Variants in SIPA1L1 observed in about 807,000 individuals in gnomAD.
SIPA1L1 encodes signal-induced proliferation-associated 1-like protein 1.
SIPA1L1 carries 26 observed loss-of-function variants against 162.7 expected under a neutral mutation model. That is an observed-to-expected ratio of 0.16 (90% CI 0.12 to 0.22). The LOEUF is 0.22. Ranked by LOEUF, SIPA1L1 falls within the 10% of genes least tolerant of loss-of-function variation. SIPA1L1 has a pLI of 1.00. For synonymous variants in SIPA1L1, 829 were observed against 837.4 expected (o/e 0.99, Z 0.17); for missense variants, 1,874 against 2,241.0 (o/e 0.84, Z 3.31).
intron 7 of SIPA1L1, among the ~76,000 whole-genome samples, chr14:71,643,273 A>G (rs2041885207): frequency 6.6e-6 from 1 of 152,228 alleles, no homozygotes; most frequent in Non-Finnish European, 1.5e-5. Flanking sequence ...AAAGGTTATC[A>G]AAATAAACAA....
At chr14:71,682,169 A>G (rs1191165474) in intron 12 of SIPA1L1, among the ~76,000 whole-genome samples, 1 of 152,154 alleles carries the variant, frequency 6.6e-6, no homozygotes. Context: ...TCCTCTACAA[A>G]GTGGGGATAA....
chr14:71,416,257 A>G (rs1204040366), intron 2 of SIPA1L1: 1 of 152,178 alleles, frequency 6.6e-6, no homozygotes, highest in Non-Finnish European at 1.5e-5. Context: ...GCCTAAAAAG[A>G]TTTTACAATC....
intron 4 of SIPA1L1, among the ~76,000 whole-genome samples, chr14:71,569,961 C>G (rs952145012): frequency 3.3e-5 from 5 of 152,188 alleles, no homozygotes; most frequent in African/African-American, 4.8e-5. Context: ...TGTGTCTGCA[C>G]CCTGTCTGTA....
chr14:71,409,621 T>C (rs929180694), intron 2 of SIPA1L1, among the ~76,000 whole-genome samples: 2 of 152,188 alleles, frequency 1.3e-5, no homozygotes, highest in African/African-American at 4.8e-5. Context: ...AAATCTGGTC[T>C]GTAAAGTAGA....
At chr14:71,616,477 G>T (rs933768960) in intron 5 of SIPA1L1, among the ~76,000 whole-genome samples, 1 of 149,008 alleles carries the variant, frequency 6.7e-6, no homozygotes, top group Non-Finnish European at 1.5e-5. Flanking sequence ...TGAGTTTACG[G>T]TAATTAAAGG....
At position 71,428,385 on chromosome 14, in the gene SIPA1L1, T is replaced by C. The variant is rs578114416; in HGVS notation, c.-464-84358T>C. Among the ~76,000 whole-genome samples, 16 of 152,086 alleles carry C rather than the reference T, an allele frequency of 1.1e-4. No homozygotes were observed. The South Asian group carries it at 3.3e-3, about 32-fold the overall frequency. On this transcript the variant is annotated intron_variant, in intron 2 of 23. Coordinates refer to ENST00000381232, the MANE Select transcript of SIPA1L1 (RefSeq NM_001386936.1). ...ATGATTTGCGGTTTTTTTTTTCTTT[T>C]TTACTGGTTTTATTTTTATTTTTAT...
chr14:71,546,155 C>T (rs2055171819), intron 4 of SIPA1L1, among the ~76,000 whole-genome samples: 1 of 151,962 alleles, frequency 6.6e-6, no homozygotes, highest in African/African-American at 2.4e-5. Flanking sequence ...TTTTAAAGCC[C>T]TATAATTTTG....
intron 4 of SIPA1L1, among the ~76,000 whole-genome samples, chr14:71,551,664 T>A (rs180889634): frequency 1.3e-5 from 2 of 152,328 alleles, no homozygotes; most frequent in East Asian, 3.9e-4. Context: ...CCTTTCATGT[T>A]GCTCTTAAAG....
chr14:71,502,010 C>T (rs996573393), intron 2 of SIPA1L1, among the ~76,000 whole-genome samples: 6 of 148,550 alleles, frequency 4.0e-5, no homozygotes, highest in Non-Finnish European at 8.9e-5. Context: ...TACACTCTAC[C>T]CTGGGCGACA....
At chr14:71,520,722 A>G (rs2052249255) in intron 3 of SIPA1L1, among the ~76,000 whole-genome samples, 2 of 152,008 alleles carry the variant, frequency 1.3e-5, no homozygotes, top group Non-Finnish European at 1.5e-5. Flanking sequence ...ATTCCGTTAT[A>G]TGGAACTCCT....
chr14:71,624,025 C>G, intron 6 of SIPA1L1, 23 bp from the exon 7 acceptor site: 1 of 1,574,112 alleles, frequency 6.4e-7, no homozygotes, highest in Non-Finnish European at 8.6e-7. Context: ...GAAGCCTCAC[C>G]ACAGCACCTG....
At chr14:71,486,582 G>A (rs547671260) in intron 2 of SIPA1L1, among the ~76,000 whole-genome samples, 86 of 152,298 alleles carry the variant, frequency 5.6e-4, no homozygotes, top group Non-Finnish European at 8.7e-4. Context: ...GAAGGGGAGC[G>A]GAGTGGAAAC....
At chr14:71,449,104 A>G (rs1220580096) in intron 2 of SIPA1L1, 4 of 152,226 alleles carry the variant, frequency 2.6e-5, no homozygotes, top group African/African-American at 4.8e-5. Flanking sequence ...TGCTTCTCCA[A>G]AGTAGGAGAG....
chr14:71,493,064 C>G (rs1052986625), intron 2 of SIPA1L1, among the ~76,000 whole-genome samples: 1 of 152,086 alleles, frequency 6.6e-6, no homozygotes, highest in African/African-American at 2.4e-5. Context: ...GTGCCTGCCC[C>G]TTTATCCCTC....
chr14:71,444,729 C>G (rs1209642179), intron 2 of SIPA1L1, among the ~76,000 whole-genome samples: 1 of 152,178 alleles, frequency 6.6e-6, no homozygotes, highest in Non-Finnish European at 1.5e-5. Context: ...GCTGCTCCCT[C>G]TTATTGGCAC....
Position 71,685,380 on chromosome 14 carries a change from C to T in SIPA1L1, c.3123C>T (p.Tyr1041=), listed in dbSNP as rs151108910. The T allele has an allele frequency of 5.6e-5, 91 of 1,614,126 alleles. No individual in the cohort carries two copies. In the Admixed American group the frequency reaches 1.1e-3, roughly 19 times the overall value. ...CTAATAGGAGTTGCTCTGAAACCTACCGCATGCCAGTGATGGAGTACAAAA... is the reference window on the plus strand; with the variant it reads ...CTAATAGGAGTTGCTCTGAAACCTATCGCATGCCAGTGATGGAGTACAAAA... The part of the protein sequence containing the change: ...CTPRRSCSET[Y]RMPVMEYKMN... The change falls in exon 13 of 24, where the codon TAC becomes TAT. Residue 1041 remains tyrosine, a synonymous_variant. Coordinates refer to ENST00000381232, the MANE Select transcript of SIPA1L1 (RefSeq NM_001386936.1).
chr14:71,373,377 C>T (rs2039074014), intron 2 of SIPA1L1, among the ~76,000 whole-genome samples: 1 of 150,802 alleles, frequency 6.6e-6, no homozygotes, highest in Admixed American at 6.6e-5. Context: ...AATCCTAGGA[C>T]TTTGGGAGGC....
At chr14:71,708,134 A>AT (rs766837118) in intron 16 of SIPA1L1, among the ~76,000 whole-genome samples, 165 of 129,506 alleles carry the variant, frequency 1.3e-3, no homozygotes, top group Non-Finnish European at 2.2e-3. Context: ...AGTCCAGTTT[A>AT]TTTTTTTCTT....
chr14:71,358,892 C>G (rs2037533212), intron 2 of SIPA1L1, among the ~76,000 whole-genome samples: 1 of 152,008 alleles, frequency 6.6e-6, no homozygotes, highest in Admixed American at 6.6e-5. Context: ...GAGAACAGCA[C>G]CAAAGGGATG....
Sources: gnomAD v4.1 joint callset for allele counts (sites outside exome capture counted in the v4.1 genomes callset) on GRCh38, gnomAD v4.1.1 for gene constraint, MANE v1.5 for transcripts, NCBI Gene and HGNC (gene_info 2026-07-23, HGNC 2026-07-21) for gene names.